GNAO1: variants seen among roughly 807,000 people sequenced by gnomAD.
GNAO1 encodes the protein guanine nucleotide-binding protein G(o) subunit alpha.
For synonymous variants in GNAO1, 164 were observed against 180.7 expected, an observed-to-expected ratio of 0.91 and a Z score of 0.74; for missense variants, 166 against 478.7, an observed-to-expected ratio of 0.35 and a Z score of 6.10.
chr16:56,286,954 G>A (rs1596842960), intron 3 of GNAO1, among the ~76,000 whole-genome samples: 1 of 152,216 alleles, frequency 6.6e-6, no homozygotes, highest in Non-Finnish European at 1.5e-5. Context: ...CAGCTGTGCT[G>A]CCCCGTGCAG....
Position 56,242,213 on chromosome 16 carries a change from T to A in GNAO1, c.162-33718T>A, listed in dbSNP as rs75085568. Among the ~76,000 whole-genome samples, 4 of 110,304 alleles carry A rather than the reference T, an allele frequency of 3.6e-5. No individual in the cohort carries two copies. In the East Asian group the frequency reaches 8.5e-4, roughly 23 times the overall value. The allele number at this position is 110,304 out of a possible 152,430, so 72.4% of individuals were successfully genotyped here. A position where few individuals can be genotyped will look rare whatever the true frequency, so the allele number is the denominator to read the frequency against. ...AATAAGGGGAGGAGAAGAAGGAAGATGAAAAAAATGTTAATATTTATTGAA... is the reference window on the plus strand; with the variant it reads ...AATAAGGGGAGGAGAAGAAGGAAGAAGAAAAAAATGTTAATATTTATTGAA... On this transcript the variant is annotated intron_variant, in intron 2 of 8. Transcript: ENST00000262493.
rs1432047185 is a variant in GNAO1 at position 56,236,369 on chromosome 16, A to T, written c.162-39562A>T. On this transcript the variant is annotated intron_variant, in intron 2 of 8. Coordinates refer to ENST00000262493, the MANE Select transcript of GNAO1 (RefSeq NM_020988.3). Reference sequence around the variant, plus strand: ...ATACAGAAGGAGAGAGAGACAGAGAAAGAGATCATTCAGTTTGAATCCATA... The same window carrying T: ...ATACAGAAGGAGAGAGAGACAGAGATAGAGATCATTCAGTTTGAATCCATA... Among the ~76,000 whole-genome samples, 3 of 152,216 alleles carry T rather than the reference A, an allele frequency of 2.0e-5. No homozygotes were observed. The East Asian group carries it at 5.8e-4, about 29-fold the overall frequency.
At chr16:56,262,309 T>C (rs1313303634) in intron 2 of GNAO1, among the ~76,000 whole-genome samples, 1 of 152,196 alleles carries the variant, frequency 6.6e-6, no homozygotes, top group African/African-American at 2.4e-5. Flanking sequence ...TCCCACAGGC[T>C]GTCAGAGCCC....
intron 6 of GNAO1, chr16:56,344,766 C>G (rs1436781141): frequency 5.1e-6 from 5 of 985,360 alleles, no homozygotes; most frequent in Non-Finnish European, 6.0e-6. Flanking sequence ...TTTCCAGTCA[C>G]CAGGAGCTCG....
chr16:56,203,586 A>G (rs2036299562), intron 2 of GNAO1, among the ~76,000 whole-genome samples: 1 of 152,106 alleles, frequency 6.6e-6, no homozygotes, highest in African/African-American at 2.4e-5. Flanking sequence ...AAGAAACACA[A>G]AGAGAGAGGG....
intron 2 of GNAO1, among the ~76,000 whole-genome samples, chr16:56,232,215 G>A (rs1457319807): frequency 6.6e-6 from 1 of 152,160 alleles, no homozygotes; most frequent in African/African-American, 2.4e-5. Flanking sequence ...CAAAAGCTTA[G>A]CAAGGGCTTC....
At chr16:56,276,947 G>A (rs1379715008) in intron 3 of GNAO1, 1 of 152,182 alleles carries the variant, frequency 6.6e-6, no homozygotes, top group Non-Finnish European at 1.5e-5. Context: ...ATTCATCTCT[G>A]ATTGCTGTGT....
At chr16:56,295,631 T>C (rs2037280491) in intron 3 of GNAO1, among the ~76,000 whole-genome samples, 1 of 152,202 alleles carries the variant, frequency 6.6e-6, no homozygotes, top group African/African-American at 2.4e-5. Context: ...TTCCCCTCCA[T>C]GTCTCGCTTC....
At chr16:56,317,553 T>C (rs1160890249) in intron 3 of GNAO1, among the ~76,000 whole-genome samples, 2 of 151,880 alleles carry the variant, frequency 1.3e-5, no homozygotes, top group African/African-American at 4.8e-5. Flanking sequence ...AACTAAGGGA[T>C]AGATAGATGC....
chr16:56,339,170 G>A (rs1042960702), intron 6 of GNAO1, among the ~76,000 whole-genome samples: 5 of 152,248 alleles, frequency 3.3e-5, no homozygotes, highest in Non-Finnish European at 7.3e-5. Flanking sequence ...AGCAGTCATC[G>A]CCGTGCGCTG....
chr16:56,205,216 C>T (rs550489124), intron 2 of GNAO1, among the ~76,000 whole-genome samples: 3 of 152,242 alleles, frequency 2.0e-5, no homozygotes, highest in South Asian at 2.1e-4. Flanking sequence ...GATGGTTTGA[C>T]GCTGTTCCAC....
chr16:56,297,613 A>C lies in GNAO1; in HGVS notation c.303+21541A>C, dbSNP rs573197655. Among the ~76,000 whole-genome samples the C allele has an allele frequency of 2.1e-5, 3 of 143,390 alleles. No homozygotes were observed. In the South Asian group the frequency reaches 6.6e-4, roughly 32 times the overall value. The allele number at this position is 143,390 out of a possible 152,430, so 94.1% of individuals were successfully genotyped here. A position where few individuals can be genotyped will look rare whatever the true frequency, so the allele number is the denominator to read the frequency against. ...AGGTGGGAATTTTTTGTTAAGTTTG[A>C]ATTTCAGTTCTTTTCTTTTCTTTTT... On this transcript the variant is annotated intron_variant, in intron 3 of 8. Transcript: ENST00000262493.
intron 3 of GNAO1, among the ~76,000 whole-genome samples, chr16:56,312,434 G>A (rs2037469287): frequency 6.6e-6 from 1 of 152,192 alleles, no homozygotes; most frequent in Non-Finnish European, 1.5e-5. Context: ...TGCATGTGTG[G>A]GTGTTTGTCT....
chr16:56,323,165 G>T (rs968360463), intron 3 of GNAO1, among the ~76,000 whole-genome samples: 1 of 152,182 alleles, frequency 6.6e-6, no homozygotes, highest in South Asian at 2.1e-4. Context: ...CTGGAGCCCC[G>T]TGAGAGGGGG....
chr16:56,252,761 C>T (rs1264409022), intron 2 of GNAO1, among the ~76,000 whole-genome samples: 1 of 152,230 alleles, frequency 6.6e-6, no homozygotes, highest in Non-Finnish European at 1.5e-5. Context: ...CCCTCCCAAC[C>T]TTCCTCCTGG....
intron 3 of GNAO1, among the ~76,000 whole-genome samples, chr16:56,295,521 G>C (rs772341810): frequency 3.3e-5 from 5 of 152,156 alleles, no homozygotes; most frequent in Admixed American, 6.5e-5. Context: ...CAGCCCATGT[G>C]AAACCACTCT....
At chr16:56,345,555 G>T in intron 6 of GNAO1, 8 of 985,260 alleles carry the variant, frequency 8.1e-6, no homozygotes, top group Non-Finnish European at 9.6e-6. Flanking sequence ...TGCCTGCAGG[G>T]ACCGGTGCCT....
chr16:56,212,393 G>A (rs2036397747), intron 2 of GNAO1, among the ~76,000 whole-genome samples: 1 of 152,210 alleles, frequency 6.6e-6, no homozygotes, highest in South Asian at 2.1e-4. Context: ...CTGGAATGCA[G>A]TGAACTCTGC....
intron 2 of GNAO1, among the ~76,000 whole-genome samples, chr16:56,234,277 A>G (rs1327337709): frequency 6.6e-6 from 1 of 152,248 alleles, no homozygotes; most frequent in African/African-American, 2.4e-5. Flanking sequence ...AGGGAATGCC[A>G]AAGGCCTAAG....
Sources: allele counts gnomAD v4.1 joint callset (sites outside exome capture counted in the v4.1 genomes callset), GRCh38; gene constraint gnomAD v4.1.1; transcripts MANE v1.5; gene names NCBI Gene and HGNC (gene_info 2026-07-23, HGNC 2026-07-21).